The following AK9 variants were observed in gnomAD, a reference collection of about 807,000 sequenced individuals.
The protein encoded by AK9 is adenylate kinase domain containing 1.
Under a neutral mutation model 239.6 loss-of-function variants are expected in AK9, and 191 were observed. The ratio of observed to expected loss-of-function variants is 0.80; its 90% CI spans 0.71 to 0.90. AK9 has a LOEUF of 0.90. AK9 is among the 40% of genes least tolerant of loss of function. The pLI, the probability that AK9 is intolerant of heterozygous loss-of-function variation, is 0.00. For synonymous variants in AK9, 689 were observed against 721.0 expected (o/e 0.96, Z 0.71); for missense variants, 1,995 against 2,214.7 (o/e 0.90, Z 1.99).
intron 22 of AK9, 52 bp from the exon 23 acceptor site, chr6:109,564,332 T>C (rs530896454): frequency 7.1e-7 from 1 of 1,400,314 alleles, no homozygotes; most frequent in African/African-American, 1.5e-5. Context: ...ATATCCTATC[T>C]TTAGCCATAT....
intron 8 of AK9, among the ~76,000 whole-genome samples, chr6:109,650,972 A>G (rs1192788038): frequency 6.6e-6 from 1 of 152,164 alleles, no homozygotes; most frequent in African/African-American, 2.4e-5. Context: ...TCAGCAAACT[A>G]TCGCAAGGAC....
chr6:109,629,786 C>T (rs1795930536), intron 12 of AK9, among the ~76,000 whole-genome samples: 4 of 152,008 alleles, frequency 2.6e-5, no homozygotes. Flanking sequence ...GCGCCCGTCA[C>T]CGTGCCCGGC....
At chr6:109,612,118 C>T in intron 15 of AK9, 25 bp from the exon 16 acceptor site, 1 of 1,425,712 alleles carries the variant, frequency 7.0e-7, no homozygotes, top group South Asian at 1.3e-5. Flanking sequence ...TTGTGAATGC[C>T]TAAAGAACGG....
At chr6:109,690,951 G>C (rs1045007191) in intron 1 of AK9, among the ~76,000 whole-genome samples, 196 bp downstream of exon 1, 1 of 152,192 alleles carries the variant, frequency 6.6e-6, no homozygotes, top group Non-Finnish European at 1.5e-5. Flanking sequence ...AGGACCGTCA[G>C]AGGGCCGGCT....
chr6:109,495,347 A>C lies in AK9; in HGVS notation c.5409T>G (p.Tyr1803Ter), dbSNP rs1007870340. 7 of 1,611,140 alleles carry C rather than the reference A, an allele frequency of 4.3e-6. No individual in the cohort carries two copies. The highest frequency in any genetic ancestry group is 5.9e-6 in the Non-Finnish European group (7 of 1,177,836). ...AATTAAGTAAAAGAACCTGTTCCAGATATCCAGGCAAAGGAAGACTAGTAA... is the reference window on the plus strand; with the variant it reads ...AATTAAGTAAAAGAACCTGTTCCAGCTATCCAGGCAAAGGAAGACTAGTAA... ...ILLTSLPLPG[Y>*]LEQGIATSLI... Residue 1803 changes from tyrosine to a stop codon, truncating the protein, a stop_gained, in exon 39 of 41, where the codon TAT becomes TAG. Transcript: ENST00000424296. LOFTEE classifies it high-confidence loss of function.
intron 28 of AK9, among the ~76,000 whole-genome samples, chr6:109,533,041 A>T (rs1781490005): frequency 6.6e-6 from 1 of 152,208 alleles, no homozygotes; most frequent in Non-Finnish European, 1.5e-5. Context: ...TTCATTTGCC[A>T]TAAAGAGAGA....
intron 17 of AK9, among the ~76,000 whole-genome samples, chr6:109,589,348 G>T (rs1026349754): frequency 3.9e-5 from 6 of 152,034 alleles, no homozygotes; most frequent in African/African-American, 1.4e-4. Flanking sequence ...ATTATAAATG[G>T]GATTGAGTTC....
chr6:109,518,894 G>T (rs1348610075), intron 29 of AK9, among the ~76,000 whole-genome samples: 1 of 151,974 alleles, frequency 6.6e-6, no homozygotes, highest in Non-Finnish European at 1.5e-5. Context: ...GAAGTTTGGG[G>T]TATGATTGAT....
rs150350566 is a variant in AK9 at position 109,526,195 on chromosome 6, C to T, written c.3633+2816G>A. 1.6e-4 allele frequency among the ~76,000 whole-genome samples: 25 copies of T among 152,112 alleles called. No homozygotes were observed. The East Asian group carries it at 4.8e-3, about 29-fold the overall frequency. On this transcript the variant is annotated intron_variant, in intron 29 of 40. Transcript: ENST00000424296. ...TACCTATTGAGTACTATGCTCACTA[C>T]CTGGGTGACAAAATTATTTGTACAC...
rs545007975 is a variant in AK9 at position 109,565,645 on chromosome 6, A to T, written c.2345-800T>A. Among the ~76,000 whole-genome samples the T allele has an allele frequency of 9.2e-5, 14 of 152,300 alleles. No individual in the cohort carries two copies. The South Asian group carries it at 2.9e-3, about 32-fold the overall frequency. On this transcript the variant is annotated intron_variant, in intron 21 of 40. Coordinates refer to ENST00000424296, the MANE Select transcript of AK9 (RefSeq NM_001145128.3). ...AGGTTGAAAACTGTTTTCCTGAAGG[A>T]TGTAAGACATGCTGCACATACAGAT...
intron 17 of AK9, among the ~76,000 whole-genome samples, chr6:109,594,233 G>C (rs1790700395): frequency 6.6e-6 from 1 of 152,142 alleles, no homozygotes; most frequent in South Asian, 2.1e-4. Context: ...TAGACAAACA[G>C]AGAGCCAAAT....
rs774759707 is a variant in AK9 at position 109,632,916 on chromosome 6, T to C, written c.1254+7A>G. On this transcript the variant is annotated splice_region_variant and intron_variant, in intron 12 of 40. Coordinates refer to ENST00000424296, the MANE Select transcript of AK9 (RefSeq NM_001145128.3). ...ATAGATAGATAGACAGATAGTTAGT[T>C]AGTCACCTTTCCTTTGTAATTTTCT... The C allele has an allele frequency of 6.2e-7, 1 of 1,609,042 alleles. No individual in the cohort carries two copies. The highest frequency in any genetic ancestry group is 8.5e-7 in the Non-Finnish European group (1 of 1,176,802).
intron 1 of AK9, among the ~76,000 whole-genome samples, chr6:109,682,426 CAAAAA>C (rs57215335): frequency 1.5e-4 from 10 of 68,538 alleles, no homozygotes; most frequent in African/African-American, 6.4e-4. Flanking sequence ...GACTCCGTCT[CAAAAA>C]AAAAAAAAAA....
At chr6:109,576,719 T>C (rs1032144685) in intron 20 of AK9, among the ~76,000 whole-genome samples, 1 of 152,072 alleles carries the variant, frequency 6.6e-6, no homozygotes, top group Admixed American at 6.6e-5. Context: ...TCCAGTACAA[T>C]GTTGAATAGC....
chr6:109,594,286 A>T (rs1341701521), intron 17 of AK9, among the ~76,000 whole-genome samples: 1 of 152,236 alleles, frequency 6.6e-6, no homozygotes, highest in Non-Finnish European at 1.5e-5. Flanking sequence ...AAAGAATAAA[A>T]TACCTAAGAA....
chr6:109,663,321 C>G (rs1424813320), intron 5 of AK9, among the ~76,000 whole-genome samples: 1 of 152,112 alleles, frequency 6.6e-6, no homozygotes, highest in Non-Finnish European at 1.5e-5. Flanking sequence ...TTAATAAAGT[C>G]TCAATTCCTT....
At position 109,529,075 on chromosome 6, in the gene AK9, T is replaced by C; in HGVS notation, c.3571-2A>G. 1 of 1,560,876 alleles carries C rather than the reference T, an allele frequency of 6.4e-7. No individual in the cohort carries two copies. The highest frequency in any genetic ancestry group is 8.6e-7 in the Non-Finnish European group (1 of 1,161,806). On this transcript the variant is annotated splice_acceptor_variant, in intron 28 of 40. Transcript: ENST00000424296. LOFTEE classifies it high-confidence loss of function. ...CCTTCTTTTAGCAATCGTATCAACC[T>C]GTTAAAGAAAGAGACATTAAAAAAT...
chr6:109,564,860 C>A lies in AK9; in HGVS notation c.2345-15G>T, dbSNP rs1039516562. ...AGGCTCAGATACTTAAGAAAGAAAT[C>A]GAATAGTTAGTGTTTAAATTTGAAA... is the stretch of plus-strand genomic sequence containing the variant. On this transcript the variant is annotated splice_polypyrimidine_tract_variant and intron_variant, in intron 21 of 40. Coordinates refer to ENST00000424296, the MANE Select transcript of AK9 (RefSeq NM_001145128.3). The A allele has an allele frequency of 4.0e-6, 6 of 1,501,468 alleles. No individual in the cohort carries two copies. The highest frequency in any genetic ancestry group is 2.6e-5 in the South Asian group (2 of 76,734). 93.0% of individuals were successfully genotyped at this position (1,501,468 alleles called of 1,614,324 possible).
intron 21 of AK9, among the ~76,000 whole-genome samples, chr6:109,567,887 A>C (rs1242847690): frequency 6.6e-6 from 1 of 151,296 alleles, no homozygotes; most frequent in Non-Finnish European, 1.5e-5. Flanking sequence ...TAAAATAAAA[A>C]AAAAAAAAAA....
Sources: allele counts gnomAD v4.1 joint callset (sites outside exome capture counted in the v4.1 genomes callset), GRCh38; gene constraint gnomAD v4.1.1; transcripts MANE v1.5; gene names NCBI Gene and HGNC (gene_info 2026-07-23, HGNC 2026-07-21).